The following GRIA1 variants were observed in gnomAD, a reference collection of about 807,000 sequenced individuals.
The protein encoded by GRIA1 is glutamate ionotropic receptor AMPA type subunit 1.
In GRIA1, 31 loss-of-function variants were observed where a neutral mutation model predicts 99.2. That is an observed-to-expected ratio of 0.31 (90% confidence interval 0.23 to 0.42). The LOEUF is 0.42. Among genes scored for constraint, GRIA1 ranks in the 10% least tolerant of loss-of-function variants. GRIA1 has a pLI of 1.00. For synonymous variants in GRIA1, 438 were observed against 432.4 expected, an observed-to-expected ratio of 1.01 and a Z score of -0.16; for missense variants, 782 against 1,157.5, an observed-to-expected ratio of 0.68 and a Z score of 4.71.
At position 153,761,302 on chromosome 5, in the gene GRIA1, A is replaced by G. The variant is rs563024941; in HGVS notation, c.1824-3132A>G. On this transcript the variant is annotated intron_variant, in intron 11 of 15. Transcript: ENST00000285900. ...CTTACAAGAGGTTAATATTCAAAAT[A>G]TATAAGGACTCAATAGCAAAAATGC... 1.1e-4 allele frequency among the ~76,000 whole-genome samples: 16 copies of G among 152,246 alleles called. No homozygotes were observed. In the East Asian group the frequency reaches 3.1e-3, roughly 29 times the overall value.
At chr5:153,680,972 G>A (rs1043500876) in intron 7 of GRIA1, among the ~76,000 whole-genome samples, 9 of 152,200 alleles carry the variant, frequency 5.9e-5, no homozygotes, top group Admixed American at 3.3e-4. Flanking sequence ...ACTCTCCTGC[G>A]TTAGTCCATG....
chr5:153,689,330 G>A (rs901055675), intron 8 of GRIA1, among the ~76,000 whole-genome samples: 1 of 152,108 alleles, frequency 6.6e-6, no homozygotes, highest in African/African-American at 2.4e-5. Context: ...CATAGACCTG[G>A]GCTTTTCCTC....
At chr5:153,803,808 A>T (rs964010009) in intron 15 of GRIA1, among the ~76,000 whole-genome samples, 1 of 152,180 alleles carries the variant, frequency 6.6e-6, no homozygotes, top group South Asian at 2.1e-4. Flanking sequence ...GGATCCATAC[A>T]TAGCCTCCTG....
intron 2 of GRIA1, among the ~76,000 whole-genome samples, chr5:153,609,494 C>T (rs549825046): frequency 2.0e-5 from 3 of 151,726 alleles, no homozygotes; most frequent in Non-Finnish European, 4.4e-5. Context: ...CAATGTCCAG[C>T]TAGCCTCCTT....
chr5:153,659,289 AT>A (rs542590107), intron 5 of GRIA1, among the ~76,000 whole-genome samples: 44 of 152,348 alleles, frequency 2.9e-4, no homozygotes, highest in African/African-American at 1.0e-3. Flanking sequence ...TTGCATATAT[AT>A]CCATATTTTA....
At chr5:153,496,497 T>TA (rs1264410439) in intron 2 of GRIA1, among the ~76,000 whole-genome samples, 3 of 152,224 alleles carry the variant, frequency 2.0e-5, no homozygotes, top group Non-Finnish European at 4.4e-5. Flanking sequence ...GCAATAATCT[T>TA]ATTTTGTGCT....
chr5:153,512,179 G>A (rs1756155758), intron 2 of GRIA1, among the ~76,000 whole-genome samples: 1 of 152,160 alleles, frequency 6.6e-6, no homozygotes, highest in Non-Finnish European at 1.5e-5. Context: ...TGGCCCTGAG[G>A]CAGCAAAATT....
At chr5:153,775,675 A>AT (rs1764181589) in intron 13 of GRIA1, among the ~76,000 whole-genome samples, 2 of 152,080 alleles carry the variant, frequency 1.3e-5, no homozygotes, top group South Asian at 4.2e-4. Context: ...TAAATAATGC[A>AT]TCATCAAATA....
chr5:153,621,625 G>A (rs1767060564), intron 2 of GRIA1, among the ~76,000 whole-genome samples: 1 of 152,054 alleles, frequency 6.6e-6, no homozygotes, highest in Non-Finnish European at 1.5e-5. Flanking sequence ...ACATACTTGG[G>A]CCCCCATTAG....
intron 12 of GRIA1, among the ~76,000 whole-genome samples, chr5:153,768,924 A>G (rs1763699436): frequency 6.6e-6 from 1 of 152,210 alleles, no homozygotes; most frequent in Non-Finnish European, 1.5e-5. Flanking sequence ...CCCTTTGGGA[A>G]AAGGTCACCG....
intron 8 of GRIA1, 61 bp from the exon 9 acceptor site, chr5:153,697,983 G>A (rs1355931434): frequency 2.3e-6 from 2 of 853,408 alleles, no homozygotes; most frequent in Non-Finnish European, 4.0e-6. Flanking sequence ...GGGTGACCCA[G>A]AGCAGGCCAG....
chr5:153,611,661 G>A (rs1246324163), intron 2 of GRIA1, among the ~76,000 whole-genome samples: 4 of 152,162 alleles, frequency 2.6e-5, no homozygotes, highest in Non-Finnish European at 4.4e-5. Flanking sequence ...GTCGGAGGCA[G>A]CTTTTTAAAA....
intron 13 of GRIA1, among the ~76,000 whole-genome samples, chr5:153,778,686 C>CACAT (rs1273501347): frequency 6.7e-6 from 1 of 149,054 alleles, no homozygotes; most frequent in Non-Finnish European, 1.5e-5. Context: ...CACACACACA[C>CACAT]ATACACGCAC....
chr5:153,502,327 T>C (rs1250811155), intron 2 of GRIA1, among the ~76,000 whole-genome samples: 4 of 152,208 alleles, frequency 2.6e-5, no homozygotes, highest in Admixed American at 6.5e-5. Flanking sequence ...AAAGAATAGA[T>C]GGCAGTGACA....
At chr5:153,746,571 C>T (rs887868306) in intron 11 of GRIA1, among the ~76,000 whole-genome samples, 1 of 152,192 alleles carries the variant, frequency 6.6e-6, no homozygotes, top group Non-Finnish European at 1.5e-5. Flanking sequence ...TGCAGGCCCA[C>T]ACCTGGCCCA....
Position 153,698,172 on chromosome 5 carries a change from C to T in GRIA1, c.1245+18C>T, listed in dbSNP as rs756588093. 6.8e-6 allele frequency: 9 copies of T among 1,323,248 alleles called. No homozygotes were observed. The highest frequency in any genetic ancestry group is 1.4e-5 in the African/African-American group (1 of 69,528). 82.0% of individuals were successfully genotyped at this position (1,323,248 alleles called of 1,614,324 possible). A position where few individuals can be genotyped will look rare whatever the true frequency, so the allele number is the denominator to read the frequency against. ...CAATCCTAGTGAGTACTCAGTCCTT[C>T]ATCAAGGTTACTTGGGATTCAAGCT... On this transcript the variant is annotated intron_variant, in intron 9 of 15. Transcript: ENST00000285900.
chr5:153,698,871 A>G lies in GRIA1; in HGVS notation c.1250A>G (p.Asp417Gly). The G allele has an allele frequency of 6.2e-7, 1 of 1,608,086 alleles. No homozygotes were observed. The highest frequency in any genetic ancestry group is 1.1e-5 in the South Asian group (1 of 90,980). The change falls in exon 10 of 16, where the codon GAT becomes GGT. Residue 417 changes from aspartate to glycine, a missense_variant. Around this residue, in one of 5 missense-constraint regions of GRIA1, gnomAD observed 87 missense variants for 184.5 expected, o/e 0.47. Transcript: ENST00000285900. The part of the protein sequence containing the change: ...RTYIVTTILE[D>G]PYVMLKKNAN... ...ATCTCCCCATTTCTCTTCCAGGAAG[A>G]TCCTTATGTGATGCTCAAGAAGAAC... is the stretch of plus-strand genomic sequence containing the variant.
chr5:153,669,442 A>T (rs549774422), intron 5 of GRIA1, among the ~76,000 whole-genome samples: 1 of 152,126 alleles, frequency 6.6e-6, no homozygotes, highest in Non-Finnish European at 1.5e-5. Context: ...TCAGGCCAGG[A>T]GATAAAAAAT....
chr5:153,679,572 G>T (rs769209280), intron 7 of GRIA1, among the ~76,000 whole-genome samples: 1 of 152,366 alleles, frequency 6.6e-6, no homozygotes, highest in East Asian at 1.9e-4. Flanking sequence ...GGGCCCAGGG[G>T]CCCTTGCTTA....
Sources: gnomAD v4.1 joint callset for allele counts (sites outside exome capture counted in the v4.1 genomes callset) on GRCh38, gnomAD v4.1.1 for gene constraint, gnomAD v4.1.1 regional missense constraint, MANE v1.5 for transcripts, NCBI Gene and HGNC (gene_info 2026-07-23, HGNC 2026-07-21) for gene names.